Variants in NBPF15 observed in about 807,000 individuals in gnomAD.
The protein encoded by NBPF15 is NBPF member 15, also known as NBPF family member NBPF15.
Under a neutral mutation model 62.2 loss-of-function variants are expected in NBPF15, and 74 were observed. That is an observed-to-expected ratio of 1.19 (90% CI 0.99 to 1.44). The LOEUF (loss-of-function observed/expected upper bound fraction) is 1.44, where lower values mean the gene tolerates loss of function less well. NBPF15 is among the 40% of genes most tolerant of loss of function. NBPF15 has a pLI of 0.00. For missense variants in NBPF15, 790 were observed against 550.0 expected, an observed-to-expected ratio of 1.44 and a Z score of -4.36; for synonymous variants, 244 against 209.7, an observed-to-expected ratio of 1.16 and a Z score of -1.41.
intron 16 of NBPF15, 118 bp downstream of exon 16, chr1:144,427,700 A>G: frequency 3.2e-6 from 2 of 619,596 alleles, no homozygotes; most frequent in Non-Finnish European, 2.8e-6. Flanking sequence ...ACATGTGCCT[A>G]TAGGTCCTCC....
rs1188084806 is a variant in NBPF15 at position 144,427,050 on chromosome 1, G to A, written c.1262C>T (p.Pro421Leu). 4.0e-5 allele frequency: 30 copies of A among 743,092 alleles called. No homozygotes were observed. Among genetic ancestry groups the A allele is most frequent in the Admixed American group, 7.2e-5 (4 of 55,718 alleles). 46.0% of individuals were successfully genotyped at this position (743,092 alleles called of 1,614,324 possible). The change falls in exon 17 of 22, where the codon CCC becomes CTC. Residue 421 changes from proline (P) to leucine (L), a missense_variant. Transcript: ENST00000581897. Reference sequence around the variant, plus strand: ...ATCCATAATTGCTCAAAGTTACCTGGGGCATGATGGGTCTTGGTCTTCTTC... The same window carrying A: ...ATCCATAATTGCTCAAAGTTACCTGAGGCATGATGGGTCTTGGTCTTCTTC... ...EVEEDQDPSC[P>L]RLSRELLDEK...
Position 144,427,938 on chromosome 1 carries a change from G to C in NBPF15, c.1093C>G (p.Leu365Val), listed in dbSNP as rs1268191136. 77 of 769,874 alleles carry C rather than the reference G, an allele frequency of 1.0e-4. No individual in the cohort carries two copies. The allele number at this position is 769,874 out of a possible 1,614,324, so 47.7% of individuals were successfully genotyped here. A position where few individuals can be genotyped will look rare whatever the true frequency, so the allele number is the denominator to read the frequency against. Reference sequence around the variant, plus strand: ...GAAGGAGTTGAATAACATCTATCCAGTGAGTCCTGCAAGACTTCAGGCTCT... The same window carrying C: ...GAAGGAGTTGAATAACATCTATCCACTGAGTCCTGCAAGACTTCAGGCTCT... ...EKEPEVLQDSLDRCYSTPSGC... is the reference protein window; with the variant it reads ...EKEPEVLQDSVDRCYSTPSGC... The change falls in exon 16 of 22, where the codon CTG (leucine) becomes GTG (valine). Residue 365 changes from leucine (L) to valine (V), a missense_variant. By Grantham distance (32) the Leu-to-Val change is conservative (BLOSUM62 1). Transcript: ENST00000581897.
rs1683201147 is a variant in NBPF15 at position 144,441,961 on chromosome 1, T to C, written c.-190-1666A>G. Among the ~76,000 whole-genome samples the C allele has an allele frequency of 4.7e-5, 7 of 148,244 alleles. No individual in the cohort carries two copies. In the South Asian group the frequency reaches 1.3e-3, roughly 27 times the overall value. ...TCACTCATGGGTGGGAACTGAACAA[T>C]GAGAACACTTGGACACAGGGCGGGG... On this transcript the variant is annotated intron_variant, in intron 6 of 21. Transcript: ENST00000581897.
intron 4 of NBPF15, among the ~76,000 whole-genome samples, 169 bp from the exon 5 acceptor site, chr1:144,451,039 G>A (rs587772875): frequency 9.5e-4 from 144 of 152,156 alleles, no homozygotes; most frequent in Middle Eastern, 3.4e-3. Context: ...GAGGACCCAT[G>A]CCAGCACTGG....
intron 14 of NBPF15, among the ~76,000 whole-genome samples, chr1:144,428,991 C>G (rs1399442084): frequency 3.9e-5 from 6 of 151,958 alleles, no homozygotes; most frequent in Admixed American, 1.3e-4. Flanking sequence ...CAATATTAAG[C>G]TTTCTCTCAT....
At chr1:144,459,653 A>C (rs1195833193) in intron 2 of NBPF15, among the ~76,000 whole-genome samples, 170 bp from the exon 3 acceptor site, 7 of 152,116 alleles carry the variant, frequency 4.6e-5, no homozygotes, top group African/African-American at 1.4e-4. Context: ...AAAAACAAGC[A>C]TATCAATGAA....
chr1:144,431,074 G>A (rs1379678864), intron 13 of NBPF15, among the ~76,000 whole-genome samples: 1 of 151,810 alleles, frequency 6.6e-6, no homozygotes, highest in African/African-American at 2.4e-5. Flanking sequence ...ATGGGACTAT[G>A]TGGAAAGACC....
intron 6 of NBPF15, among the ~76,000 whole-genome samples, chr1:144,442,268 AATATATATACACGTGTATATATTATAT>A (rs1256348355): frequency 1.1e-4 from 13 of 120,378 alleles, no homozygotes; most frequent in East Asian, 4.4e-4. Context: ...GGCCATTATT[AATATATATACACGTGTATATATTATAT>A]ATATATATAC....
intron 6 of NBPF15, among the ~76,000 whole-genome samples, chr1:144,441,262 A>C (rs1434372196): frequency 6.6e-6 from 1 of 151,308 alleles, no homozygotes; most frequent in Admixed American, 6.6e-5. Flanking sequence ...GAGTTTTGCA[A>C]AGTATTTGTA....
intron 4 of NBPF15, among the ~76,000 whole-genome samples, chr1:144,451,232 C>G (rs587597316): frequency 1.1e-4 from 17 of 151,992 alleles, no homozygotes; most frequent in Admixed American, 2.0e-4. Flanking sequence ...ACAGAAACAT[C>G]TCAATGCCTT....
intron 5 of NBPF15, among the ~76,000 whole-genome samples, chr1:144,449,744 G>T (rs1300075545): frequency 2.3e-4 from 34 of 149,312 alleles, no homozygotes; most frequent in African/African-American, 3.2e-4. Context: ...TTTTGGGTTA[G>T]TGACTTCTTT....
chr1:144,436,684 T>A (rs1468392942), intron 10 of NBPF15, among the ~76,000 whole-genome samples: 3 of 151,940 alleles, frequency 2.0e-5, no homozygotes, highest in Non-Finnish European at 4.4e-5. Context: ...CCACCTTCCA[T>A]CAAGGGAGGA....
At chr1:144,447,530 C>G in intron 6 of NBPF15, among the ~76,000 whole-genome samples, 1 of 151,842 alleles carries the variant, frequency 6.6e-6, no homozygotes. Context: ...ACAGGGGAGC[C>G]AGGGATGCAT....
chr1:144,432,020 G>T (rs1406078109), intron 13 of NBPF15, among the ~76,000 whole-genome samples: 1 of 151,766 alleles, frequency 6.6e-6, no homozygotes, highest in Non-Finnish European at 1.5e-5. Context: ...TAATGGGATG[G>T]CTGGGTCAAA....
At chr1:144,461,219 G>A (rs1361075352) in intron 1 of NBPF15, among the ~76,000 whole-genome samples, 162 bp downstream of exon 1, 2 of 152,048 alleles carry the variant, frequency 1.3e-5, no homozygotes, top group Admixed American at 1.3e-4. Context: ...GCTGCGGGCG[G>A]CAGCGGCAAG....
chr1:144,461,304 C>T (rs1652867556), intron 1 of NBPF15, 77 bp downstream of exon 1: 1 of 151,622 alleles, frequency 6.6e-6, no homozygotes, highest in East Asian at 2.0e-4. Context: ...CACCCCGCCT[C>T]GCCCTCCGTC....
chr1:144,435,157 G>A lies in NBPF15; in HGVS notation c.726C>T (p.Gly242=), dbSNP rs1162878132. The change falls in exon 12 of 22, where the codon GGC becomes GGT. Residue 242 remains glycine (G), a synonymous_variant. Transcript: ENST00000581897. The part of the protein sequence containing the change: ...EEDKVDSTLI[G]SSSHVEWEDA... ...CCTCCCATTCAACATGAGAGGATGA[G>A]CCAATGAGAGTTGAGTCGACTTTGT... is the stretch of plus-strand genomic sequence containing the variant. 2 of 1,612,982 alleles carry A rather than the reference G, an allele frequency of 1.2e-6. No homozygotes were observed. Among genetic ancestry groups the A allele is most frequent in the South Asian group, 1.1e-5 (1 of 91,024 alleles).
chr1:144,423,177 T>A lies in NBPF15; in HGVS notation c.1849A>T (p.Met617Leu). Residue 617 changes from methionine (M) to leucine (L), a missense_variant, in exon 22 of 22, where the codon ATG becomes TTG. Met to Leu is a conservative substitution (Grantham distance 15). Coordinates refer to ENST00000581897, the MANE Select transcript of NBPF15 (RefSeq NM_001385408.1). ...SLDRCYSTPS[M>L]YFEQPDSFQH... ...AATGAGTCAGGTTGTTCAAAGTACA[T>A]TGACGGAGTCGAATAACATCTATCC... 6.2e-7 allele frequency: 1 copy of A among 1,611,606 alleles called. No homozygotes were observed.
chr1:144,425,415 C>T, intron 19 of NBPF15, 102 bp downstream of exon 19: 1 of 267,892 alleles, frequency 3.7e-6, no homozygotes, highest in South Asian at 2.4e-5. Context: ...TTCAGGCTTG[C>T]TGGAAAAGAT....
Sources: gnomAD v4.1 joint callset for allele counts (sites outside exome capture counted in the v4.1 genomes callset) on GRCh38, gnomAD v4.1.1 for gene constraint, MANE v1.5 for transcripts, NCBI Gene and HGNC (gene_info 2026-07-23, HGNC 2026-07-21) for gene names.